The following PARP4 variants were observed in gnomAD, a reference collection of about 807,000 sequenced individuals.
The protein encoded by PARP4 is poly(ADP-ribose) polymerase family member 4.
A neutral mutation model predicts 187.7 loss-of-function variants in PARP4; 120 were observed. The observed-to-expected ratio is 0.64, with a 90% CI of 0.55 to 0.74. The LOEUF is 0.74. Among genes scored for constraint, PARP4 ranks in the 30% least tolerant of loss-of-function variants. The probability of loss-of-function intolerance (pLI) is 0.00; values close to 1 mark genes in which losing one functional copy is unlikely to be tolerated. For missense variants in PARP4, 1,836 were observed against 2,070.5 expected (o/e 0.89, Z 2.20); for synonymous variants, 654 against 740.9 (o/e 0.88, Z 1.90).
At chr13:24,473,483 T>G (rs1872823511) in intron 15 of PARP4, among the ~76,000 whole-genome samples, 1 of 152,202 alleles carries the variant, frequency 6.6e-6, no homozygotes, top group Non-Finnish European at 1.5e-5. Flanking sequence ...TTCAACAATG[T>G]TTCCTATTTA....
chr13:24,449,830 C>T lies in PARP4; in HGVS notation c.3015-13G>A, dbSNP rs757663078. ...ATTTGCTGTAGAACTGATCACATTT[C>T]ACATGTTTTAATTTTGAAGACATTA... On this transcript the variant is annotated splice_polypyrimidine_tract_variant and intron_variant, in intron 24 of 33. Transcript: ENST00000381989. The T allele has an allele frequency of 3.3e-6, 5 of 1,500,948 alleles. No homozygotes were observed. The African/African-American group carries it at 5.6e-5, about 17-fold the overall frequency. 93.0% of individuals were successfully genotyped at this position (1,500,948 alleles called of 1,614,324 possible).
At chr13:24,443,294 C>T (rs1033394414) in intron 28 of PARP4, among the ~76,000 whole-genome samples, 6 of 151,962 alleles carry the variant, frequency 3.9e-5, no homozygotes, top group Admixed American at 3.3e-4. Flanking sequence ...ATTTCGCTCT[C>T]AGGCCTCTCA....
intron 17 of PARP4, among the ~76,000 whole-genome samples, chr13:24,465,341 A>C (rs928771356): frequency 5.9e-5 from 9 of 152,224 alleles, no homozygotes; most frequent in Non-Finnish European, 1.2e-4. Context: ...ATGCATGTGT[A>C]TGTTCGTTGC....
At chr13:24,467,880 T>C (rs1184517168) in intron 17 of PARP4, among the ~76,000 whole-genome samples, 8 of 152,130 alleles carry the variant, frequency 5.3e-5, no homozygotes, top group Non-Finnish European at 1.5e-5. Flanking sequence ...ACCCCAGGCT[T>C]CTATACATAC....
At chr13:24,453,970 G>C (rs1871673599) in intron 22 of PARP4, among the ~76,000 whole-genome samples, 5 of 152,026 alleles carry the variant, frequency 3.3e-5, no homozygotes, top group Non-Finnish European at 5.9e-5. Context: ...ACAAAAATTA[G>C]CTGGGTGTGG....
chr13:24,423,421 C>T (rs564307637), intron 33 of PARP4, among the ~76,000 whole-genome samples: 1 of 152,102 alleles, frequency 6.6e-6, no homozygotes. Flanking sequence ...ATTCCAGCTA[C>T]TCAGGAGGCT....
At chr13:24,499,484 C>T (rs1478859757) in intron 4 of PARP4, 108 bp from the exon 5 acceptor site, 6 of 810,618 alleles carry the variant, frequency 7.4e-6, no homozygotes, top group Middle Eastern at 3.9e-4. Flanking sequence ...ATGATAGATT[C>T]CTTACAAAAC....
At chr13:24,446,448 T>G (rs1871211976) in intron 27 of PARP4, among the ~76,000 whole-genome samples, 1 of 151,408 alleles carries the variant, frequency 6.6e-6, no homozygotes, top group South Asian at 2.1e-4. Flanking sequence ...GAGGAAGAAC[T>G]GTCTTGTGTG....
At chr13:24,501,134 C>T (rs1869255832) in intron 3 of PARP4, among the ~76,000 whole-genome samples, 2 of 152,172 alleles carry the variant, frequency 1.3e-5, no homozygotes, top group South Asian at 4.2e-4. Flanking sequence ...TAGTATTTAT[C>T]AGAACTGTGT....
chr13:24,488,130 G>A (rs569672599), intron 10 of PARP4, among the ~76,000 whole-genome samples: 216 of 152,142 alleles, frequency 1.4e-3, no homozygotes, highest in African/African-American at 5.0e-3. Flanking sequence ...GGGGCGGCTC[G>A]CCAAGGGCTT....
At chr13:24,468,956 T>G in intron 17 of PARP4, 68 bp downstream of exon 17, 1 of 1,093,260 alleles carries the variant, frequency 9.1e-7, no homozygotes, top group Non-Finnish European at 1.4e-6. Context: ...ATGAAATTCG[T>G]ATTTCATATC....
intron 17 of PARP4, among the ~76,000 whole-genome samples, chr13:24,465,730 A>G (rs1872428413): frequency 6.6e-6 from 1 of 151,962 alleles, no homozygotes; most frequent in Non-Finnish European, 1.5e-5. Context: ...ACATTTGCCT[A>G]TGTAACAAAC....
At chr13:24,467,182 A>G (rs1337581082) in intron 17 of PARP4, among the ~76,000 whole-genome samples, 2 of 152,204 alleles carry the variant, frequency 1.3e-5, no homozygotes, top group Admixed American at 6.5e-5. Context: ...TGAGGAGGAC[A>G]TAAGTCGTCC....
At chr13:24,445,461 T>C (rs973002746) in intron 27 of PARP4, among the ~76,000 whole-genome samples, 3 of 151,894 alleles carry the variant, frequency 2.0e-5, no homozygotes, top group Non-Finnish European at 4.4e-5. Flanking sequence ...GGCCAATGAT[T>C]TAATCAACCA....
chr13:24,493,805 A>G, intron 7 of PARP4, 72 bp from the exon 8 acceptor site: 2 of 1,440,782 alleles, frequency 1.4e-6, no homozygotes, highest in Non-Finnish European at 9.7e-7. Flanking sequence ...ACATGGGCCA[A>G]CGAACAGAGG....
intron 27 of PARP4, among the ~76,000 whole-genome samples, chr13:24,445,216 A>T (rs189407946): frequency 1.4e-3 from 212 of 152,142 alleles, no homozygotes; most frequent in African/African-American, 4.8e-3. Context: ...TATTTTATAG[A>T]CCAAACATGG....
intron 14 of PARP4, among the ~76,000 whole-genome samples, chr13:24,477,073 G>A (rs1194954897): frequency 6.6e-6 from 1 of 152,180 alleles, no homozygotes; most frequent in Non-Finnish European, 1.5e-5. Context: ...TCTTAGCAAG[G>A]TTCCACAGGT....
chr13:24,437,961 T>G (rs555204179), intron 30 of PARP4, among the ~76,000 whole-genome samples: 2 of 152,348 alleles, frequency 1.3e-5, no homozygotes, highest in East Asian at 3.9e-4. Flanking sequence ...TTTCACCATG[T>G]TGGCCAGGCT....
rs116814360 is a variant in PARP4 at position 24,494,076 on chromosome 13, G to T, written c.742-343C>A. 3.6e-3 allele frequency among the ~76,000 whole-genome samples: 547 copies of T among 152,310 alleles called. 11 individuals carry two copies. Among genetic ancestry groups the T allele is most frequent in the African/African-American group, 0.012 (499 of 41,546 alleles). On this transcript the variant is annotated intron_variant, in intron 7 of 33. Transcript: ENST00000381989. ...AAGACATCTCCCAAAAGCTGGGAGG[G>T]TCTGCTGCTGAAATAAGCAATACAT... is the stretch of plus-strand genomic sequence containing the variant.
Sources: gnomAD v4.1 joint callset for allele counts (sites outside exome capture counted in the v4.1 genomes callset) on GRCh38, gnomAD v4.1.1 for gene constraint, MANE v1.5 for transcripts, NCBI Gene and HGNC (gene_info 2026-07-23, HGNC 2026-07-21) for gene names.